The following CROCC2 variants were observed in gnomAD, a reference collection of about 807,000 sequenced individuals.
CROCC2 encodes the protein ciliary rootlet coiled-coil protein 2.
Under a neutral mutation model 177.6 loss-of-function variants are expected in CROCC2, and 163 were observed. The ratio of observed to expected loss-of-function variants is 0.92; its 90% CI spans 0.81 to 1.05. CROCC2 has a LOEUF of 1.05. CROCC2 is among the 50% of genes least tolerant of loss of function. CROCC2 has a pLI of 0.00. For synonymous variants in CROCC2, 904 were observed against 787.3 expected (o/e 1.15, Z -2.48); for missense variants, 1,929 against 1,797.8 (o/e 1.07, Z -1.32).
In CROCC2 at chr2:240,916,386, CCCCCTGCT is replaced by C. The variant is rs1380884399; in HGVS notation, c.79-2338_79-2331del. The stretch of plus-strand genomic sequence containing the variant: ...CGCCCCCCTCTGCGTCCCCCTGCGC[CCCCCTGCT>C]CGCCCCCTCCTTCCCCGGTGCCCCC... On this transcript the variant is annotated intron_variant, in intron 1 of 31. Coordinates refer to ENST00000690015, the MANE Select transcript of CROCC2 (RefSeq NM_001351305.2). Among the ~76,000 whole-genome samples the C allele has an allele frequency of 8.5e-3, 993 of 116,868 alleles. 22 individuals carry two copies. Among genetic ancestry groups the C allele is most frequent in the African/African-American group, 0.03 (920 of 30,412 alleles). 76.7% of individuals were successfully genotyped at this position (116,868 alleles called of 152,430 possible).
chr2:240,952,417 C>T (rs747270324), intron 18 of CROCC2, among the ~76,000 whole-genome samples: 3 of 151,930 alleles, frequency 2.0e-5, no homozygotes, highest in Non-Finnish European at 4.4e-5. Context: ...TTGATTCTTG[C>T]AACACTCTGA....
intron 19 of CROCC2, among the ~76,000 whole-genome samples, 173 bp downstream of exon 19, chr2:240,956,145 G>A (rs1004532473): frequency 6.6e-6 from 1 of 152,244 alleles, no homozygotes; most frequent in Admixed American, 6.5e-5. Context: ...CACTCAATGG[G>A]CAGGAAAGAT....
intron 20 of CROCC2, among the ~76,000 whole-genome samples, chr2:240,962,955 C>T (rs936945259): frequency 6.6e-6 from 1 of 152,186 alleles, no homozygotes; most frequent in East Asian, 1.9e-4. Flanking sequence ...CTCCCACTGC[C>T]CCCCCATTGC....
In CROCC2 at chr2:240,993,275, C is replaced by T. The variant is rs571642831; in HGVS notation, c.*194C>T. 3.6e-4 allele frequency: 191 copies of T among 532,160 alleles called. 2 individuals carry two copies. The South Asian group carries it at 4.5e-3, about 12-fold the overall frequency. 33.0% of individuals were successfully genotyped at this position (532,160 alleles called of 1,614,324 possible). A position where few individuals can be genotyped will look rare whatever the true frequency, so the allele number is the denominator to read the frequency against. ...CATTTGAAATGCATGTGGGGGCCTC[C>T]GAATTTTGAATTTTAATAAATAGTT... On this transcript the variant is annotated 3_prime_UTR_variant, in exon 32 of 32. Transcript: ENST00000690015.
intron 14 of CROCC2, among the ~76,000 whole-genome samples, chr2:240,941,629 G>A (rs57696862): frequency 0.028 from 4,291 of 152,292 alleles, 144 homozygotes; most frequent in East Asian, 0.16. Flanking sequence ...CAAGCCACAT[G>A]TAGAAGAATG....
At chr2:240,979,929 C>A (rs9751671) in intron 27 of CROCC2, among the ~76,000 whole-genome samples, 34 of 14,562 alleles carry the variant, frequency 2.3e-3, no homozygotes, top group South Asian at 0.011. Flanking sequence ...ATCCCTGCTC[C>A]GTCTCTGGGG....
intron 28 of CROCC2, chr2:240,983,235 G>A (rs996109817): frequency 2.3e-6 from 2 of 865,344 alleles, no homozygotes; most frequent in Non-Finnish European, 3.4e-6. Flanking sequence ...AGCCTGGAGG[G>A]GCCCACAGGG....
At chr2:240,978,379 G>T (rs1472065633) in intron 27 of CROCC2, among the ~76,000 whole-genome samples, 8 of 34,442 alleles carry the variant, frequency 2.3e-4, no homozygotes, top group East Asian at 4.2e-3. Context: ...AGCCTCAGGA[G>T]CCCAGACTCA....
Position 240,963,789 on chromosome 2 carries a change from AG to A in CROCC2, c.3305+18del, listed in dbSNP as rs1320589656. The A allele has an allele frequency of 6.5e-7, 1 of 1,544,800 alleles. No individual in the cohort carries two copies. Among genetic ancestry groups the A allele is most frequent in the African/African-American group, 1.4e-5 (1 of 72,924 alleles). On this transcript the variant is annotated intron_variant, in intron 21 of 31. Transcript: ENST00000690015. ...AGAAGGCCAGGTATGGCGGCCACCC[AG>A]GAGCAGCTGGGGGTGCCCTGCAGCC...
intron 20 of CROCC2, among the ~76,000 whole-genome samples, chr2:240,961,936 C>T (rs1369085466): frequency 6.6e-6 from 1 of 150,830 alleles, no homozygotes; most frequent in Non-Finnish European, 1.5e-5. Flanking sequence ...CGTGCACACA[C>T]ATGCATGCAC....
chr2:240,933,736 G>A lies in CROCC2; in HGVS notation c.1530G>A (p.Glu510=). ...GGAAGGCAGATGCTGCAGATGCGGA[G>A]AAGCAGGGGCTGGAGGCCGAGGCTG... ...LKGKADAADA[E]KQGLEAEAAE... The change falls in exon 11 of 32, where the codon GAG becomes GAA. Residue 510 remains glutamate (E), a synonymous_variant. Transcript: ENST00000690015. 6.5e-7 allele frequency: 1 copy of A among 1,550,210 alleles called. No homozygotes were observed. Among genetic ancestry groups the A allele is most frequent in the Non-Finnish European group, 8.7e-7 (1 of 1,146,860 alleles).
chr2:240,983,144 T>C, intron 28 of CROCC2, 115 bp downstream of exon 28: 1 of 1,115,190 alleles, frequency 9.0e-7, no homozygotes, highest in Admixed American at 2.5e-5. Context: ...AAGGGAGGCC[T>C]AGAGAGATGC....
rs2059542914 is a variant in CROCC2 at position 240,949,784 on chromosome 2, C to G, written c.2652+82C>G. On this transcript the variant is annotated intron_variant, in intron 17 of 31. Coordinates refer to ENST00000690015, the MANE Select transcript of CROCC2 (RefSeq NM_001351305.2). The surrounding 1 kb of genome is among the most constrained non-coding windows in gnomAD (Gnocchi z 4.5). Reference sequence around the variant, plus strand: ...ATGGCAGGCCCTTGGGAGGAGGGGGCCCTGGGAGACAGAGCTCAGAGACAT... The same window carrying G: ...ATGGCAGGCCCTTGGGAGGAGGGGGGCCTGGGAGACAGAGCTCAGAGACAT... The G allele has an allele frequency of 7.2e-7, 1 of 1,383,190 alleles. No homozygotes were observed. Among genetic ancestry groups the G allele is most frequent in the Admixed American group, 2.6e-5 (1 of 38,994 alleles). 85.7% of individuals were successfully genotyped at this position (1,383,190 alleles called of 1,614,324 possible).
rs1040610442 is a variant in CROCC2, at chr2:240,933,733, G to A, written c.1527G>A (p.Ala509=). The A allele has an allele frequency of 1.5e-5, 24 of 1,550,084 alleles. No homozygotes were observed. Among genetic ancestry groups the A allele is most frequent in the East Asian group, 9.8e-5 (4 of 40,910 alleles). The change falls in exon 11 of 32, where the codon GCG becomes GCA. Residue 509 remains alanine, a synonymous_variant. Transcript: ENST00000690015. ...ELKGKADAAD[A]EKQGLEAEAA... is the part of the protein sequence containing the mutation. The stretch of plus-strand genomic sequence containing the variant: ...AAGGGAAGGCAGATGCTGCAGATGC[G>A]GAGAAGCAGGGGCTGGAGGCCGAGG...
At chr2:240,920,382 G>A (rs4675849) in intron 3 of CROCC2, among the ~76,000 whole-genome samples, 18,195 of 152,174 alleles carry the variant, frequency 0.12, 2,414 homozygotes, top group African/African-American at 0.31. Context: ...CTGATGCCCA[G>A]CGTGTCCCCT....
intron 25 of CROCC2, among the ~76,000 whole-genome samples, chr2:240,967,125 G>A (rs566136373): frequency 6.6e-6 from 1 of 152,172 alleles, no homozygotes; most frequent in East Asian, 1.9e-4. Context: ...CTCACTGGGC[G>A]CCTCCACCTC....
At chr2:240,920,835 T>C (rs1445301183) in intron 3 of CROCC2, among the ~76,000 whole-genome samples, 1 of 152,176 alleles carries the variant, frequency 6.6e-6, no homozygotes, top group Admixed American at 6.5e-5. Flanking sequence ...GGCCAGAGCC[T>C]CTCTCCTATG....
intron 20 of CROCC2, 52 bp downstream of exon 20, chr2:240,959,496 C>T: frequency 6.5e-7 from 1 of 1,536,012 alleles, no homozygotes. Flanking sequence ...CAGGAGAAAG[C>T]AGGGCAGGTA....
At position 240,972,612 on chromosome 2, in the gene CROCC2, C is replaced by T. The variant is rs35134445; in HGVS notation, c.4401+4350C>T. 0.19 allele frequency among the ~76,000 whole-genome samples: 29,515 copies of T among 151,594 alleles called. 3,164 individuals are homozygous for T. Among genetic ancestry groups the T allele is most frequent in the Admixed American group, 0.32 (4,875 of 15,198 alleles). ...GTGCAGAGGACGTCTCTGACATTGA[C>T]CAGACCTTTGTCTGTATGCATTTTT... On this transcript the variant is annotated intron_variant, in intron 27 of 31. Coordinates refer to ENST00000690015, the MANE Select transcript of CROCC2 (RefSeq NM_001351305.2). The surrounding 1 kb of genome is among the most constrained non-coding windows in gnomAD (Gnocchi z 7.1).
Sources: gnomAD v4.1 joint callset for allele counts (sites outside exome capture counted in the v4.1 genomes callset) on GRCh38, gnomAD v4.1.1 for gene constraint, Gnocchi (gnomAD v3.1) non-coding constraint, MANE v1.5 for transcripts, NCBI Gene and HGNC (gene_info 2026-07-23, HGNC 2026-07-21) for gene names.